The following FAT3 variants were observed in gnomAD, a reference collection of about 807,000 sequenced individuals.
FAT3 encodes the protein FAT atypical cadherin 3.
Under a neutral mutation model 310.2 loss-of-function variants are expected in FAT3, and 95 were observed. The observed-to-expected ratio is 0.31, with a 90% CI of 0.26 to 0.36. FAT3 has a LOEUF of 0.36. Ranked by LOEUF, FAT3 falls within the 10% of genes least tolerant of loss-of-function variation. The pLI, the probability that FAT3 is intolerant of heterozygous loss-of-function variation, is 1.00. For missense variants in FAT3, 5,408 were observed against 5,715.6 expected, an observed-to-expected ratio of 0.95 and a Z score of 1.74; for synonymous variants, 2,314 against 2,192.9, an observed-to-expected ratio of 1.06 and a Z score of -1.54.
At chr11:92,515,947 G>A (rs1193440755) in intron 2 of FAT3, among the ~76,000 whole-genome samples, 6 of 151,994 alleles carry the variant, frequency 3.9e-5, no homozygotes, top group Non-Finnish European at 8.8e-5. Context: ...GGAAGAAGTT[G>A]AATCCCTGAA....
chr11:92,439,679 G>T (rs1309714492), intron 2 of FAT3, among the ~76,000 whole-genome samples: 1 of 152,150 alleles, frequency 6.6e-6, no homozygotes, highest in Non-Finnish European at 1.5e-5. Context: ...TCTTTGGGAG[G>T]TGGAGGCAGG....
At chr11:92,754,874 A>T (rs1945946137) in intron 4 of FAT3, among the ~76,000 whole-genome samples, 1 of 151,884 alleles carries the variant, frequency 6.6e-6, no homozygotes, top group South Asian at 2.1e-4. Context: ...CTAAAAAATA[A>T]TAATAATAAT....
At chr11:92,394,792 T>C (rs1949830195) in intron 2 of FAT3, among the ~76,000 whole-genome samples, 1 of 152,212 alleles carries the variant, frequency 6.6e-6, no homozygotes, top group African/African-American at 2.4e-5. Flanking sequence ...AATTTGTTAT[T>C]ATAGATGCCA....
At chr11:92,753,798 G>GTGTGTGTGTGTGTATATATA in intron 4 of FAT3, among the ~76,000 whole-genome samples, 12 of 119,116 alleles carry the variant, frequency 1.0e-4, no homozygotes, top group Non-Finnish European at 1.7e-4. Flanking sequence ...GTGTGTGTGT[G>GTGTGTGTGTGTGTATATATA]TATATATATA....
chr11:92,772,784 G>C (rs964168455), intron 6 of FAT3, among the ~76,000 whole-genome samples: 2 of 151,808 alleles, frequency 1.3e-5, no homozygotes, highest in African/African-American at 4.8e-5. Context: ...TATATGACCA[G>C]GTTTTTTTTA....
At chr11:92,340,376 A>G (rs1164709532) in intron 1 of FAT3, among the ~76,000 whole-genome samples, 1 of 152,096 alleles carries the variant, frequency 6.6e-6, no homozygotes, top group African/African-American at 2.4e-5. Context: ...GTCAACTGAT[A>G]CCTGGCCCCT....
rs141986663 is a variant in FAT3, at chr11:92,865,902, C to T, written c.11659-839C>T. The stretch of plus-strand genomic sequence containing the variant: ...CCTTGCTACACCAATGCACTCACAG[C>T]AGCAGGCTGGTCTCTGTTGTCGCAC... On this transcript the variant is annotated intron_variant, in intron 21 of 27. Transcript: ENST00000525166. 4.8e-3 allele frequency among the ~76,000 whole-genome samples: 735 copies of T among 152,300 alleles called. 10 individuals carry two copies. The highest frequency in any genetic ancestry group is 0.016 in the African/African-American group (677 of 41,570).
At chr11:92,771,914 G>A (rs916216047) in intron 6 of FAT3, among the ~76,000 whole-genome samples, 6 of 152,146 alleles carry the variant, frequency 3.9e-5, no homozygotes, top group Non-Finnish European at 8.8e-5. Context: ...TGGGGAAAAT[G>A]TGAGTCAAAT....
At chr11:92,270,540 G>T (rs915171374) in intron 1 of FAT3, among the ~76,000 whole-genome samples, 8 of 151,242 alleles carry the variant, frequency 5.3e-5, no homozygotes. Flanking sequence ...AAAAAAAATT[G>T]CTGGGCATGG....
In FAT3 at chr11:92,798,884, G is replaced by A. The variant is rs377139791; in HGVS notation, c.5871G>A (p.Val1957=). The A allele has an allele frequency of 4.3e-6, 7 of 1,613,828 alleles. No homozygotes were observed. Among genetic ancestry groups the A allele is most frequent in the East Asian group, 2.2e-5 (1 of 44,894 alleles). The part of the protein sequence containing the change: ...SKDHYMLIVK[V]SDGKFYSTSM... ...ATCACTACATGCTGATAGTTAAGGT[G>A]TCTGATGGAAAGTTCTACAGTACCT... Residue 1957 remains valine (V), a synonymous_variant, in exon 10 of 28, where the codon GTG becomes GTA. Transcript: ENST00000525166.
At chr11:92,623,784 A>G (rs896247208) in intron 3 of FAT3, among the ~76,000 whole-genome samples, 1 of 152,116 alleles carries the variant, frequency 6.6e-6, no homozygotes, top group African/African-American at 2.4e-5. Flanking sequence ...TCTACTAAAA[A>G]TACAAAAAAT....
At chr11:92,586,533 G>A (rs776693341) in intron 3 of FAT3, among the ~76,000 whole-genome samples, 4 of 151,968 alleles carry the variant, frequency 2.6e-5, no homozygotes, top group Admixed American at 1.3e-4. Context: ...TATACCTCTT[G>A]CCATTTTTCT....
chr11:92,862,824 A>G (rs1029493380), intron 21 of FAT3, among the ~76,000 whole-genome samples: 2 of 152,214 alleles, frequency 1.3e-5, no homozygotes, highest in East Asian at 1.9e-4. Flanking sequence ...TTCCCCTTGC[A>G]TGTAGGTATG....
intron 6 of FAT3, among the ~76,000 whole-genome samples, chr11:92,771,067 C>T (rs1042256117): frequency 3.9e-5 from 6 of 152,114 alleles, no homozygotes; most frequent in Non-Finnish European, 5.9e-5. Context: ...CCATCTCTGC[C>T]GCACACCCCT....
At chr11:92,665,225 G>A (rs1322068876) in intron 3 of FAT3, among the ~76,000 whole-genome samples, 1 of 152,186 alleles carries the variant, frequency 6.6e-6, no homozygotes, top group African/African-American at 2.4e-5. Context: ...TGGTTTGAAT[G>A]CTACTGCCCC....
intron 3 of FAT3, among the ~76,000 whole-genome samples, chr11:92,666,548 G>T (rs1348666638): frequency 6.7e-6 from 1 of 149,028 alleles, no homozygotes; most frequent in Non-Finnish European, 1.5e-5. Context: ...CTTTAGTAGA[G>T]ACGGGGTTTC....
chr11:92,502,884 G>A (rs1052242783), intron 2 of FAT3, among the ~76,000 whole-genome samples: 21 of 152,050 alleles, frequency 1.4e-4, no homozygotes, highest in African/African-American at 3.1e-4. Flanking sequence ...TATCATTTGC[G>A]TGATGTAACC....
intron 4 of FAT3, among the ~76,000 whole-genome samples, chr11:92,702,888 C>T (rs987136351): frequency 6.6e-6 from 1 of 152,078 alleles, no homozygotes; most frequent in Non-Finnish European, 1.5e-5. Context: ...AAGAAGATGA[C>T]AAGGCCCAGT....
chr11:92,553,258 A>G (rs529039764), intron 3 of FAT3, among the ~76,000 whole-genome samples: 3 of 152,346 alleles, frequency 2.0e-5, no homozygotes, highest in African/African-American at 4.8e-5. Context: ...TTGTTCATAT[A>G]TAAGATATTT....
Sources: allele counts gnomAD v4.1 joint callset (sites outside exome capture counted in the v4.1 genomes callset), GRCh38; gene constraint gnomAD v4.1.1; transcripts MANE v1.5; gene names NCBI Gene and HGNC (gene_info 2026-07-23, HGNC 2026-07-21).